MXRA7: variants seen among roughly 807,000 people sequenced by gnomAD.
MXRA7 encodes the protein matrix remodeling associated 7.
Under a neutral mutation model 17.4 loss-of-function variants are expected in MXRA7, and 18 were observed. The ratio of observed to expected loss-of-function variants is 1.03; its 90% confidence interval spans 0.71 to 1.53. The LOEUF (loss-of-function observed/expected upper bound fraction) is 1.53, where lower values mean the gene tolerates loss of function less well. MXRA7 is among the 40% of genes most tolerant of loss of function. The pLI, the probability that MXRA7 is intolerant of heterozygous loss-of-function variation, is 0.00. For missense variants in MXRA7, 141 were observed against 209.3 expected (o/e 0.67, Z 2.01); for synonymous variants, 70 against 101.7 (o/e 0.69, Z 1.87).
At chr17:76,707,128 C>T (rs1375833610) in intron 1 of MXRA7, among the ~76,000 whole-genome samples, 1 of 152,176 alleles carries the variant, frequency 6.6e-6, no homozygotes, top group African/African-American at 2.4e-5. Flanking sequence ...CAATTATCTC[C>T]AGTATGTCCT....
intron 3 of MXRA7, chr17:76,683,771 C>G: frequency 9.7e-7 from 1 of 1,035,958 alleles, no homozygotes; most frequent in Non-Finnish European, 1.5e-6. Context: ...AGGTTGAGGC[C>G]GCGTCAGTTG....
At chr17:76,703,996 GGCTGA>G (rs1158441413) in intron 1 of MXRA7, among the ~76,000 whole-genome samples, 2 of 150,454 alleles carry the variant, frequency 1.3e-5, no homozygotes, top group African/African-American at 4.9e-5. Flanking sequence ...CTACTCAGGA[GGCTGA>G]GGCAAGCAGA....
At chr17:76,688,725 T>A (rs911760612) in intron 1 of MXRA7, 9 of 1,199,010 alleles carry the variant, frequency 7.5e-6, no homozygotes, top group Non-Finnish European at 9.4e-6. Flanking sequence ...ATCAGAGGAA[T>A]GGCCCGGGAT....
chr17:76,679,052 T>C (rs957452432), downstream of MXRA7, among the ~76,000 whole-genome samples: 2 of 152,018 alleles, frequency 1.3e-5, no homozygotes, highest in Admixed American at 6.5e-5. Context: ...CCTAGAACTT[T>C]AGGAGGCCAA....
At chr17:76,710,554 C>A in intron 1 of MXRA7, 51 bp downstream of exon 1, 1 of 1,224,570 alleles carries the variant, frequency 8.2e-7, no homozygotes, top group Non-Finnish European at 1.0e-6. Context: ...ACGGCAGCGG[C>A]AGCCGGAGCC....
At chr17:76,685,727 C>G (rs2076387037) in intron 2 of MXRA7, among the ~76,000 whole-genome samples, 1 of 152,204 alleles carries the variant, frequency 6.6e-6, no homozygotes, top group Non-Finnish European at 1.5e-5. Context: ...CCCATTGCTG[C>G]CTGCAAAAAA....
intron 1 of MXRA7, among the ~76,000 whole-genome samples, chr17:76,702,968 G>C (rs977442180): frequency 1.5e-5 from 2 of 137,420 alleles, no homozygotes; most frequent in African/African-American, 5.2e-5. Context: ...GTTTCCTGCT[G>C]ATCTCCAGCA....
intron 1 of MXRA7, among the ~76,000 whole-genome samples, chr17:76,706,107 A>G (rs1031034131): frequency 4.1e-5 from 6 of 148,050 alleles, no homozygotes; most frequent in African/African-American, 7.5e-5. Flanking sequence ...CCACGCTGCC[A>G]TCACAAAGGC....
chr17:76,696,825 C>T (rs1598353766), intron 1 of MXRA7, among the ~76,000 whole-genome samples: 1 of 152,226 alleles, frequency 6.6e-6, no homozygotes, highest in Non-Finnish European at 1.5e-5. Flanking sequence ...GTCCTCCCCA[C>T]CATCAGGCAG....
downstream of MXRA7, chr17:76,676,514 G>A (rs1482347285): frequency 1.3e-5 from 2 of 152,204 alleles, no homozygotes; most frequent in African/African-American, 4.8e-5. Flanking sequence ...TGTAATCCTA[G>A]CACTTTGGGA....
chr17:76,698,988 T>C (rs112219494), intron 1 of MXRA7, among the ~76,000 whole-genome samples: 3,287 of 152,204 alleles, frequency 0.022, 120 homozygotes, highest in East Asian at 0.13. Flanking sequence ...CCCAAAGTGC[T>C]GGGATTACAG....
In MXRA7 at chr17:76,688,157, T is replaced by C; in HGVS notation, c.362A>G (p.Asp121Gly). The C allele has an allele frequency of 6.2e-7, 1 of 1,614,150 alleles. No homozygotes were observed. The highest frequency in any genetic ancestry group is 1.7e-5 in the Admixed American group (1 of 60,018). ...TTCCGATGATGGCCCCTTCTCACCA[T>C]CCAAGTCCTGCTCCTCTTCCTGCAA... Reference protein sequence around the residue: ...EARQEEEQDLDGEKGPSSEGP... With the variant: ...EARQEEEQDLGGEKGPSSEGP... Residue 121 changes from aspartate to glycine, a missense_variant, in exon 2 of 4, where the codon GAT becomes GGT. This residue lies in a region of MXRA7 where 67 missense variants were observed against 80.3 expected (regional missense o/e 0.83). Coordinates refer to ENST00000449428, the MANE Select transcript of MXRA7 (RefSeq NM_198530.4).
At chr17:76,701,346 C>G (rs961523889) in intron 1 of MXRA7, among the ~76,000 whole-genome samples, 1 of 148,352 alleles carries the variant, frequency 6.7e-6, no homozygotes, top group African/African-American at 2.5e-5. Context: ...TTGGTCTGAG[C>G]AGCTGAGCGT....
chr17:76,696,313 G>A (rs2076532274), intron 1 of MXRA7, among the ~76,000 whole-genome samples: 1 of 151,752 alleles, frequency 6.6e-6, no homozygotes, highest in Non-Finnish European at 1.5e-5. Context: ...TGATGCCAGG[G>A]GTTTGAGACC....
At chr17:76,687,159 A>G (rs2076408404) in intron 2 of MXRA7, among the ~76,000 whole-genome samples, 1 of 152,194 alleles carries the variant, frequency 6.6e-6, no homozygotes, top group Non-Finnish European at 1.5e-5. Flanking sequence ...AGCAGGGAGC[A>G]AGGGTCCTTC....
At chr17:76,701,395 T>G (rs1598357898) in intron 1 of MXRA7, among the ~76,000 whole-genome samples, 4 of 149,072 alleles carry the variant, frequency 2.7e-5, no homozygotes, top group East Asian at 2.0e-4. Context: ...GAATGCCGGG[T>G]GGAGGGGCAG....
intron 1 of MXRA7, among the ~76,000 whole-genome samples, chr17:76,700,549 G>A (rs1264640080): frequency 2.0e-5 from 3 of 152,170 alleles, no homozygotes; most frequent in Non-Finnish European, 4.4e-5. Flanking sequence ...GCCCCAGGTG[G>A]GAGACAAAGA....
At chr17:76,677,581 G>GC, downstream of MXRA7, 7 of 1,598,420 alleles carry the variant, frequency 4.4e-6, no homozygotes, top group Non-Finnish European at 6.0e-6. Context: ...CATCCCGTGG[G>GC]CGCAGTCTAC....
At chr17:76,702,673 G>A (rs1321045309) in intron 1 of MXRA7, among the ~76,000 whole-genome samples, 1 of 151,574 alleles carries the variant, frequency 6.6e-6, no homozygotes, top group Non-Finnish European at 1.5e-5. Flanking sequence ...TGTAACACGC[G>A]AAACTTCATC....
Sources: allele counts gnomAD v4.1 joint callset (sites outside exome capture counted in the v4.1 genomes callset), GRCh38; gene constraint gnomAD v4.1.1; regional missense constraint gnomAD v4.1.1; transcripts MANE v1.5; gene names NCBI Gene and HGNC (gene_info 2026-07-23, HGNC 2026-07-21).